PRKCZ: variants seen among roughly 807,000 people sequenced by gnomAD.
PRKCZ encodes protein kinase C zeta type.
PRKCZ carries 33 observed loss-of-function variants against 79.5 expected under a neutral mutation model. The observed-to-expected ratio is 0.41, with a 90% CI of 0.31 to 0.55. The LOEUF is 0.55. PRKCZ is among the 20% of genes least tolerant of loss of function. PRKCZ has a pLI of 0.19. For missense variants in PRKCZ, 578 were observed against 813.5 expected (o/e 0.71, Z 3.52); for synonymous variants, 342 against 320.9 (o/e 1.07, Z -0.70).
intron 4 of PRKCZ, among the ~76,000 whole-genome samples, chr1:2,090,929 A>G (rs1274601524): frequency 1.3e-5 from 2 of 152,246 alleles, no homozygotes; most frequent in Non-Finnish European, 2.9e-5. Context: ...ATCTAAGCAG[A>G]TTATTGAACA....
intron 4 of PRKCZ, chr1:2,073,547 C>T (rs1661822296): frequency 2.3e-6 from 2 of 867,288 alleles, no homozygotes; most frequent in South Asian, 1.1e-4. Flanking sequence ...CCGAGCCCTG[C>T]CTGGGTCTGG....
At chr1:2,069,626 C>G (rs1412593441) in intron 4 of PRKCZ, among the ~76,000 whole-genome samples, 2 of 152,222 alleles carry the variant, frequency 1.3e-5, no homozygotes, top group African/African-American at 4.8e-5. Flanking sequence ...AGCCAGGGCC[C>G]TTTCTGCCAC....
chr1:2,114,225 C>T (rs1235828428), intron 4 of PRKCZ, among the ~76,000 whole-genome samples: 1 of 136,002 alleles, frequency 7.4e-6, no homozygotes, highest in Non-Finnish European at 1.5e-5. Flanking sequence ...AGGGCAGGTT[C>T]GTCTTGTGTG....
At chr1:2,085,211 G>T (rs916518300) in intron 4 of PRKCZ, among the ~76,000 whole-genome samples, 2 of 152,154 alleles carry the variant, frequency 1.3e-5, no homozygotes, top group Non-Finnish European at 2.9e-5. Flanking sequence ...TAGACTGTAC[G>T]GCTCTCTGAA....
At chr1:2,079,085 G>T (rs937207382) in intron 4 of PRKCZ, among the ~76,000 whole-genome samples, 10 of 152,110 alleles carry the variant, frequency 6.6e-5, no homozygotes, top group Non-Finnish European at 1.0e-4. Flanking sequence ...CTTGTGATCC[G>T]CCCGCCTCGG....
intron 16 of PRKCZ, among the ~76,000 whole-genome samples, chr1:2,176,534 A>G (rs1411125588): frequency 6.6e-6 from 1 of 152,216 alleles, no homozygotes; most frequent in Non-Finnish European, 1.5e-5. Flanking sequence ...ATGGTTGCAG[A>G]GCTACTGAAA....
chr1:2,055,350 C>A, intron 1 of PRKCZ, 91 bp from the exon 2 acceptor site: 1 of 1,447,336 alleles, frequency 6.9e-7, no homozygotes, highest in East Asian at 2.4e-5. Context: ...TTTCATTTAT[C>A]TAATCAATGA....
chr1:2,050,569 C>A lies in PRKCZ; in HGVS notation c.-62C>A. 4 of 1,089,908 alleles carry A rather than the reference C, an allele frequency of 3.7e-6. No individual in the cohort carries two copies. The highest frequency in any genetic ancestry group is 3.4e-4 in the Middle Eastern group (1 of 2,902). The allele number at this position is 1,089,908 out of a possible 1,614,324, so 67.5% of individuals were successfully genotyped here. On this transcript the variant is annotated 5_prime_UTR_variant, in exon 1 of 18. Transcript: ENST00000378567. Reference sequence around the variant, plus strand: ...CCGCCGCGGCCCCACCTGGAGCCCCCGCCCCGCGCCATGGCCGGAGCTCCC... The same window carrying A: ...CCGCCGCGGCCCCACCTGGAGCCCCAGCCCCGCGCCATGGCCGGAGCTCCC...
At chr1:2,114,067 C>T (rs975292102) in intron 4 of PRKCZ, among the ~76,000 whole-genome samples, 25 of 152,068 alleles carry the variant, frequency 1.6e-4, no homozygotes, top group African/African-American at 6.0e-4. Context: ...AGGGTATGGC[C>T]GGCTGCGTAA....
intron 4 of PRKCZ, chr1:2,134,745 G>A (rs1204012837): frequency 2.0e-5 from 3 of 152,356 alleles, no homozygotes; most frequent in African/African-American, 7.2e-5. Context: ...TTGAAGTGAA[G>A]TCAGTGGCGC....
At chr1:2,096,452 C>T (rs561948191) in intron 4 of PRKCZ, among the ~76,000 whole-genome samples, 55 of 152,084 alleles carry the variant, frequency 3.6e-4, no homozygotes, top group South Asian at 1.0e-3. Context: ...GTGGTGTAGA[C>T]GCCAGGAACG....
At chr1:2,107,263 G>A (rs1459089371) in intron 4 of PRKCZ, among the ~76,000 whole-genome samples, 1 of 152,192 alleles carries the variant, frequency 6.6e-6, no homozygotes, top group African/African-American at 2.4e-5. Context: ...TGCGGAGGCC[G>A]CCCCTCTCCC....
In PRKCZ at chr1:2,151,061, A is replaced by G. The variant is rs1179060776; in HGVS notation, c.876+83A>G. On this transcript the variant is annotated intron_variant, in intron 9 of 17. Transcript: ENST00000378567. The stretch of plus-strand genomic sequence containing the variant: ...CTCCGGGCTTTAGCGGAATTAATCC[A>G]TGCACGAGAGACCTAGCCTCACGTT... The G allele has an allele frequency of 1.2e-5, 18 of 1,477,836 alleles. No homozygotes were observed. The South Asian group carries it at 1.4e-4, about 11-fold the overall frequency. The allele number at this position is 1,477,836 out of a possible 1,614,324, so 91.5% of individuals were successfully genotyped here. A position where few individuals can be genotyped will look rare whatever the true frequency, so the allele number is the denominator to read the frequency against.
At chr1:2,179,827 A>C (rs1686198050) in intron 16 of PRKCZ, among the ~76,000 whole-genome samples, 1 of 151,242 alleles carries the variant, frequency 6.6e-6, no homozygotes, top group South Asian at 2.1e-4. Flanking sequence ...CACGTGCGAC[A>C]GGCACGTTCC....
Position 2,173,852 on chromosome 1 carries a change from G to A in PRKCZ, c.1286-45G>A, listed in dbSNP as rs1287781705. ...CGCCAGCCAGGTTCGTCCTGCTGCC[G>A]GCCCATGTGGCCCCACTCGGTGATG... On this transcript the variant is annotated intron_variant, in intron 13 of 17. Coordinates refer to ENST00000378567, the MANE Select transcript of PRKCZ (RefSeq NM_002744.6). The surrounding 1 kb of genome is among the most constrained non-coding windows in gnomAD (Gnocchi z 5.7). 10 of 1,533,282 alleles carry A rather than the reference G, an allele frequency of 6.5e-6. No homozygotes were observed. Among genetic ancestry groups the A allele is most frequent in the African/African-American group, 1.4e-5 (1 of 71,690 alleles). The allele number at this position is 1,533,282 out of a possible 1,614,324, so 95.0% of individuals were successfully genotyped here.
At chr1:2,124,417 G>GTTCATGGTGGTGGTTAGA (rs1673454708) in intron 4 of PRKCZ, among the ~76,000 whole-genome samples, 1 of 55,092 alleles carries the variant, frequency 1.8e-5, no homozygotes, top group African/African-American at 6.6e-5. Flanking sequence ...TGGTGGTTAG[G>GTTCATGGTGGTGGTTAGA]GTCACAGGGT....
At chr1:2,135,083 T>G in intron 4 of PRKCZ, 179 bp from the exon 5 acceptor site, 1 of 543,948 alleles carries the variant, frequency 1.8e-6, no homozygotes, top group Non-Finnish European at 3.3e-6. Context: ...ACCATGAGGA[T>G]CATGTGAGGA....
In PRKCZ at chr1:2,125,865, G is replaced by T. The variant is rs1469921700; in HGVS notation, c.335-9397G>T. Among the ~76,000 whole-genome samples the T allele has an allele frequency of 6.6e-6, 1 of 152,156 alleles. No individual in the cohort carries two copies. Among genetic ancestry groups the T allele is most frequent in the African/African-American group, 2.4e-5 (1 of 41,444 alleles). On this transcript the variant is annotated intron_variant, in intron 4 of 17. Coordinates refer to ENST00000378567, the MANE Select transcript of PRKCZ (RefSeq NM_002744.6). The surrounding 1 kb of genome is among the most constrained non-coding windows in gnomAD (Gnocchi z 4.2). ...GGGGATTTGCGCCCTGGAAGGAGCCGCCCGGCTGCCTCTCGCCAACATGCA... is the reference window on the plus strand; with the variant it reads ...GGGGATTTGCGCCCTGGAAGGAGCCTCCCGGCTGCCTCTCGCCAACATGCA...
In PRKCZ at chr1:2,061,705, C is replaced by T. The variant is rs549866629; in HGVS notation, c.334+2114C>T. The stretch of plus-strand genomic sequence containing the variant: ...GCCCTGCCCTGTGTGCTGATGTCCA[C>T]CCGGACGTGGGTTGGGTTTCATGGC... On this transcript the variant is annotated intron_variant, in intron 4 of 17. Coordinates refer to ENST00000378567, the MANE Select transcript of PRKCZ (RefSeq NM_002744.6). Among the ~76,000 whole-genome samples the T allele has an allele frequency of 2.8e-4, 43 of 152,264 alleles. No individual in the cohort carries two copies. In the South Asian group the frequency reaches 8.3e-3, roughly 29 times the overall value.
Sources: gnomAD v4.1 joint callset for allele counts (sites outside exome capture counted in the v4.1 genomes callset) on GRCh38, gnomAD v4.1.1 for gene constraint, Gnocchi (gnomAD v3.1) non-coding constraint, MANE v1.5 for transcripts, NCBI Gene and HGNC (gene_info 2026-07-23, HGNC 2026-07-21) for gene names.